HDX: variants seen among roughly 807,000 people sequenced by gnomAD.
HDX encodes highly divergent homeobox.
HDX carries 19 observed loss-of-function variants against 45.2 expected under a neutral mutation model. That is an observed-to-expected ratio of 0.42 (90% CI 0.29 to 0.62). The LOEUF (loss-of-function observed/expected upper bound fraction) is 0.62, where lower values mean the gene tolerates loss of function less well. Ranked by LOEUF, HDX falls within the 20% of genes least tolerant of loss-of-function variation. The pLI, the probability that HDX is intolerant of heterozygous loss-of-function variation, is 0.20. For missense variants in HDX, 532 were observed against 493.9 expected (o/e 1.08, Z -0.73); for synonymous variants, 188 against 172.8 (o/e 1.09, Z -0.69).
chrX:84,492,412 G>A (rs188735416), intron 1 of HDX, among the ~76,000 whole-genome samples: 4 of 110,544 alleles, frequency 3.6e-5, no homozygotes, highest in Non-Finnish European at 7.6e-5. Context: ...GAATGCTTTA[G>A]GAGTCTGGAT....
intron 1 of HDX, among the ~76,000 whole-genome samples, chrX:84,490,184 C>A (rs1466044581): frequency 2.7e-5 from 3 of 109,249 alleles, no homozygotes; most frequent in African/African-American, 1.0e-4. Context: ...TTTTTTTTCT[C>A]TTAAGATCTA....
intron 8 of HDX, among the ~76,000 whole-genome samples, chrX:84,336,445 G>A (rs777118410): frequency 2.1e-4 from 23 of 111,048 alleles, no homozygotes; most frequent in South Asian, 1.9e-3. Flanking sequence ...TTTCCTTCAC[G>A]ATCTCATGCT....
chrX:84,477,346 G>T (rs1889700293), intron 2 of HDX, among the ~76,000 whole-genome samples: 1 of 111,672 alleles, frequency 9.0e-6, no homozygotes, highest in Admixed American at 9.5e-5. Flanking sequence ...GATAATATCT[G>T]CCCTATGTTT....
At chrX:84,366,886 C>T (rs1026325861) in intron 5 of HDX, among the ~76,000 whole-genome samples, 1 of 111,892 alleles carries the variant, frequency 8.9e-6, no homozygotes, top group African/African-American at 3.2e-5. Context: ...GACCTGAAAC[C>T]ATAAAAACTA....
chrX:84,485,731 G>T (rs2040777619), intron 2 of HDX, among the ~76,000 whole-genome samples: 1 of 111,782 alleles, frequency 8.9e-6, no homozygotes, highest in Non-Finnish European at 1.9e-5. Flanking sequence ...AAGATCTGTT[G>T]TTAGGCACAT....
intron 6 of HDX, among the ~76,000 whole-genome samples, chrX:84,345,579 A>T (rs894431729): frequency 1.8e-5 from 2 of 111,983 alleles, no homozygotes; most frequent in Non-Finnish European, 3.8e-5. Flanking sequence ...CTTATTACAT[A>T]TAAAGCCATT....
chrX:84,351,318 C>T (rs2037354210), intron 6 of HDX, among the ~76,000 whole-genome samples: 1 of 111,085 alleles, frequency 9.0e-6, no homozygotes, highest in South Asian at 3.8e-4. Flanking sequence ...GCTCTCCACT[C>T]TTTCTTATCT....
intron 8 of HDX, 149 bp from the exon 9 acceptor site, chrX:84,333,991 C>T (rs192576774): frequency 5.7e-5 from 19 of 335,453 alleles, no homozygotes; most frequent in African/African-American, 4.9e-4. Context: ...CTCAGTGTTA[C>T]ATATAGTGTG....
intron 6 of HDX, among the ~76,000 whole-genome samples, chrX:84,347,047 G>A (rs999135223): frequency 8.1e-5 from 9 of 111,101 alleles, no homozygotes; most frequent in Middle Eastern, 4.7e-3. Context: ...TGCAGACCTT[G>A]TGCCTATTTC....
chrX:84,455,293 T>C (rs1341378739), intron 4 of HDX, among the ~76,000 whole-genome samples: 1 of 111,893 alleles, frequency 8.9e-6, no homozygotes, highest in African/African-American at 3.3e-5. Context: ...AAAATAGTTG[T>C]TTTGAGAAAC....
chrX:84,370,721 A>G (rs2037872467), intron 5 of HDX, among the ~76,000 whole-genome samples: 1 of 112,429 alleles, frequency 8.9e-6, no homozygotes, highest in Admixed American at 9.5e-5. Flanking sequence ...ATGCTCTGCT[A>G]GGGAAATGTC....
intron 5 of HDX, among the ~76,000 whole-genome samples, chrX:84,375,038 A>C (rs1427782000): frequency 1.9e-4 from 20 of 105,742 alleles, no homozygotes; most frequent in Non-Finnish European, 3.3e-4. Context: ...GAACTCAAAC[A>C]AATTTACAAG....
chrX:84,332,662 T>C (rs1602259171), intron 9 of HDX, among the ~76,000 whole-genome samples: 1 of 111,379 alleles, frequency 9.0e-6, no homozygotes, highest in Non-Finnish European at 1.9e-5. Flanking sequence ...TGCAGAGACA[T>C]TGAAATCCTG....
At chrX:84,474,421 C>T (rs187030271) in intron 3 of HDX, among the ~76,000 whole-genome samples, 1,176 of 112,318 alleles carry the variant, frequency 0.01, 23 homozygotes, top group African/African-American at 0.037. Context: ...AATGATTATT[C>T]TTATTAAAAT....
intron 5 of HDX, among the ~76,000 whole-genome samples, chrX:84,363,831 T>G (rs2037677354): frequency 9.0e-6 from 1 of 111,712 alleles, no homozygotes; most frequent in Non-Finnish European, 1.9e-5. Flanking sequence ...TCAAGCCACT[T>G]TCACTTTGCA....
rs183013256 is a variant in HDX, at chrX:84,355,207, C to T, written c.1452+6259G>A. Among the ~76,000 whole-genome samples the T allele has an allele frequency of 5.5e-5, 6 of 109,281 alleles. No homozygotes were observed. In the East Asian group the frequency reaches 8.7e-4, roughly 16 times the overall value. The allele number at this position is 109,281 out of a possible 115,157, so 94.9% of individuals were successfully genotyped here. ...TTTTCTATGAACTTTATTTAAGTCC[C>T]GCAAAATGTATCTCAATCATAAAAT... On this transcript the variant is annotated intron_variant, in intron 6 of 10. Coordinates refer to ENST00000373177, the MANE Select transcript of HDX (RefSeq NM_001177479.2).
chrX:84,347,549 C>G (rs1240424278), intron 6 of HDX, among the ~76,000 whole-genome samples: 1 of 111,641 alleles, frequency 9.0e-6, no homozygotes, highest in Non-Finnish European at 1.9e-5. Context: ...AATGCTCTTC[C>G]TTTATGTAGC....
At chrX:84,329,055 A>C (rs1309506788) in intron 9 of HDX, among the ~76,000 whole-genome samples, 2 of 112,396 alleles carry the variant, frequency 1.8e-5, no homozygotes, top group African/African-American at 6.5e-5. Flanking sequence ...ATCAACAGAA[A>C]GGAATGTCTG....
rs1274408503 is a variant in HDX, at chrX:84,319,325, C to G, written c.*2564G>C. The stretch of plus-strand genomic sequence containing the variant: ...TTATAAGCTGATAATTTTTCCTGCT[C>G]TAACATATCTCAAAACCAACTCCTA... On this transcript the variant is annotated 3_prime_UTR_variant, in exon 11 of 11. Transcript: ENST00000373177. 1 of 110,724 alleles carries G rather than the reference C, an allele frequency of 9.0e-6. No homozygotes were observed. The highest frequency in any genetic ancestry group is 1.9e-5 in the Non-Finnish European group (1 of 52,374). The allele number at this position is 110,724 out of a possible 1,213,427, so 9.1% of individuals were successfully genotyped here.
Sources: allele counts gnomAD v4.1 joint callset (sites outside exome capture counted in the v4.1 genomes callset), GRCh38; gene constraint gnomAD v4.1.1; transcripts MANE v1.5; gene names NCBI Gene and HGNC (gene_info 2026-07-23, HGNC 2026-07-21).